Variants in MAP3K15 observed in about 807,000 individuals in gnomAD.
The protein encoded by MAP3K15 is MAPK/ERK kinase kinase 15.
A neutral mutation model predicts 99.5 loss-of-function variants in MAP3K15; 124 were observed. The ratio of observed to expected loss-of-function variants is 1.25; its 90% CI spans 1.08 to 1.45. The LOEUF is 1.45. MAP3K15 is among the 40% of genes most tolerant of loss of function. The pLI is 0.00. For missense variants in MAP3K15, 1,242 were observed against 1,079.7 expected (o/e 1.15, Z -2.11); for synonymous variants, 494 against 439.6 (o/e 1.12, Z -1.55).
chrX:19,431,809 T>C (rs2147313111), intron 6 of MAP3K15, among the ~76,000 whole-genome samples: 1 of 111,182 alleles, frequency 9.0e-6, no homozygotes, highest in South Asian at 3.8e-4. Flanking sequence ...CGGGTGGTAG[T>C]GGCCCACGCC....
At position 19,514,964 on chromosome X, in the gene MAP3K15, A is replaced by G; in HGVS notation, c.298T>C (p.Ser100Pro). The change falls in exon 1 of 29, where the codon TCC becomes CCC. Residue 100 changes from serine (S) to proline (P), a missense_variant. Transcript: ENST00000338883. Reference sequence around the variant, plus strand: ...AAGTCCAGCTCCCCGAAGGGCACGGAGGTGAGGTGAGCGCCCTCGGCCTCG... The same window carrying G: ...AAGTCCAGCTCCCCGAAGGGCACGGGGGTGAGGTGAGCGCCCTCGGCCTCG... ...ACEAEGAHLT[S>P]VPFGELDFGE... 8.7e-7 allele frequency: 1 copy of G among 1,144,342 alleles called. No individual in the cohort carries two copies. The highest frequency in any genetic ancestry group is 1.9e-5 in the South Asian group (1 of 52,461). The allele number at this position is 1,144,342 out of a possible 1,213,427, so 94.3% of individuals were successfully genotyped here. A position where few individuals can be genotyped will look rare whatever the true frequency, so the allele number is the denominator to read the frequency against.
Position 19,459,472 on chromosome X carries a change from T to C in MAP3K15, c.888+513A>G, listed in dbSNP as rs750124349. Among the ~76,000 whole-genome samples, 4 of 112,481 alleles carry C rather than the reference T, an allele frequency of 3.6e-5. No individual in the cohort carries two copies. In the East Asian group the frequency reaches 1.1e-3, roughly 31 times the overall value. On this transcript the variant is annotated intron_variant, in intron 5 of 28. Transcript: ENST00000338883. ...GTCGGAGTGGTCACACCAGCCCCGA[T>C]GTGACAAAACCTTCTCCAAAATTTC...
At chrX:19,448,213 T>C (rs774561604) in intron 6 of MAP3K15, among the ~76,000 whole-genome samples, 1 of 109,434 alleles carries the variant, frequency 9.1e-6, no homozygotes, top group African/African-American at 3.3e-5. Flanking sequence ...ACAGGGAATG[T>C]CCACATGCGA....
intron 1 of MAP3K15, chrX:19,496,586 T>C (rs1490372254): frequency 1.8e-5 from 2 of 111,294 alleles, no homozygotes; most frequent in Non-Finnish European, 3.8e-5. Flanking sequence ...GGTGCAGAGT[T>C]TGATGTACTC....
At chrX:19,391,674 C>CAA (rs759061873) in intron 18 of MAP3K15, among the ~76,000 whole-genome samples, 749 of 27,774 alleles carry the variant, frequency 0.027, 20 homozygotes, top group African/African-American at 0.068. Flanking sequence ...GACCCCGTCT[C>CAA]AAAAAAAAAA....
rs774295945 is a variant in MAP3K15 at position 19,490,178 on chromosome X, C to T, written c.362-1211G>A. Among the ~76,000 whole-genome samples, 541 of 93,251 alleles carry T rather than the reference C, an allele frequency of 5.8e-3. 4 individuals carry two copies. The highest frequency in any genetic ancestry group is 0.029 in the South Asian group (70 of 2,412). The allele number at this position is 93,251 out of a possible 115,157, so 81.0% of individuals were successfully genotyped here. The stretch of plus-strand genomic sequence containing the variant: ...ACACACACACACACACACACACACA[C>T]ACACACATACATACAAAAATTCCTT... On this transcript the variant is annotated intron_variant, in intron 1 of 28. Coordinates refer to ENST00000338883, the MANE Select transcript of MAP3K15 (RefSeq NM_001001671.4).
rs769276695 is a variant in MAP3K15 at position 19,371,343 on chromosome X, A to C, written c.3294+2T>G. 37 of 1,201,566 alleles carry C rather than the reference A, an allele frequency of 3.1e-5. No individual in the cohort carries two copies. Among genetic ancestry groups the C allele is most frequent in the Non-Finnish European group, 3.6e-5 (32 of 889,398 alleles). ...TTCCCTAGGGCCAGATGGAGCACTT[A>C]CGGCATCCTGAAATCCGAACAGCAC... On this transcript the variant is annotated splice_donor_variant, in intron 23 of 28. Coordinates refer to ENST00000338883, the MANE Select transcript of MAP3K15 (RefSeq NM_001001671.4). LOFTEE classifies it high-confidence loss of function.
chrX:19,394,636 A>G (rs1256103972), intron 16 of MAP3K15, among the ~76,000 whole-genome samples: 2 of 110,864 alleles, frequency 1.8e-5, no homozygotes, highest in African/African-American at 6.6e-5. Flanking sequence ...AAACTCCTAG[A>G]CTGTGAAGGC....
At chrX:19,468,405 A>C (rs1449292210) in intron 3 of MAP3K15, among the ~76,000 whole-genome samples, 2 of 112,112 alleles carry the variant, frequency 1.8e-5, no homozygotes, top group Non-Finnish European at 3.8e-5. Context: ...AAAGCAATAG[A>C]ACAATCAGCT....
intron 13 of MAP3K15, among the ~76,000 whole-genome samples, chrX:19,402,954 C>A (rs1184475286): frequency 8.9e-6 from 1 of 112,025 alleles, no homozygotes; most frequent in Middle Eastern, 4.2e-3. Flanking sequence ...GTGTGGGCCA[C>A]CGTGCCCAGC....
intron 14 of MAP3K15, 78 bp downstream of exon 14, chrX:19,400,498 A>G (rs2063599583): frequency 2.7e-6 from 2 of 744,721 alleles, no homozygotes; most frequent in South Asian, 5.0e-5. Flanking sequence ...GAGGATTTTT[A>G]TAGAAAGATG....
At chrX:19,414,128 G>A (rs1380822083) in intron 10 of MAP3K15, 1 of 97,117 alleles carries the variant, frequency 1.0e-5, no homozygotes, top group Non-Finnish European at 2.0e-5. Flanking sequence ...ACCACTGCAC[G>A]AGACTCCGTC....
chrX:19,369,223 C>A lies in MAP3K15; in HGVS notation c.3401-4G>T. 5.8e-6 allele frequency: 7 copies of A among 1,211,040 alleles called. No individual in the cohort carries two copies. Among genetic ancestry groups the A allele is most frequent in the Non-Finnish European group, 7.8e-6 (7 of 895,151 alleles). ...GGCTCAAAGTGGGCTCGGAGCTCTG[C>A]AAATCACACAAGACATGACAATGGT... On this transcript the variant is annotated splice_polypyrimidine_tract_variant and splice_region_variant and intron_variant, in intron 24 of 28. Coordinates refer to ENST00000338883, the MANE Select transcript of MAP3K15 (RefSeq NM_001001671.4).
At chrX:19,491,235 G>A (rs560368956) in intron 1 of MAP3K15, among the ~76,000 whole-genome samples, 1 of 111,485 alleles carries the variant, frequency 9.0e-6, no homozygotes, top group South Asian at 3.7e-4. Flanking sequence ...GCCAGGGATA[G>A]AAGTGTCAAC....
chrX:19,434,013 G>C (rs1402083481), intron 6 of MAP3K15, among the ~76,000 whole-genome samples: 1 of 111,157 alleles, frequency 9.0e-6, no homozygotes, highest in Non-Finnish European at 1.9e-5. Flanking sequence ...ACATCTCATG[G>C]AAAAAACCTG....
intron 18 of MAP3K15, among the ~76,000 whole-genome samples, chrX:19,387,520 G>C (rs1381981085): frequency 9.0e-6 from 1 of 110,898 alleles, no homozygotes; most frequent in East Asian, 2.8e-4. Flanking sequence ...CCGAGTAGCT[G>C]AGACTACAAG....
intron 18 of MAP3K15, among the ~76,000 whole-genome samples, chrX:19,389,364 C>T (rs1456223825): frequency 2.8e-5 from 3 of 108,593 alleles, no homozygotes; most frequent in African/African-American, 6.8e-5. Context: ...CTCCTGTTCT[C>T]GCAGGTTCCT....
chrX:19,395,837 A>AT (rs1171251332), intron 15 of MAP3K15, among the ~76,000 whole-genome samples: 2 of 111,363 alleles, frequency 1.8e-5, no homozygotes, highest in Middle Eastern at 4.2e-3. Context: ...GCCTTAAAAA[A>AT]TTTTTTTTTG....
chrX:19,362,080 G>A (rs949677888), intron 26 of MAP3K15, among the ~76,000 whole-genome samples: 1 of 110,654 alleles, frequency 9.0e-6, no homozygotes. Context: ...GTGCTATGAA[G>A]GTGGCAGCAC....
Sources: gnomAD v4.1 joint callset for allele counts (sites outside exome capture counted in the v4.1 genomes callset) on GRCh38, gnomAD v4.1.1 for gene constraint, MANE v1.5 for transcripts, NCBI Gene and HGNC (gene_info 2026-07-23, HGNC 2026-07-21) for gene names.